Variants in SLC39A8 observed in about 807,000 individuals in gnomAD.
SLC39A8 encodes metal cation symporter ZIP8.
SLC39A8 carries 15 observed loss-of-function variants against 40.4 expected under a neutral mutation model. That is an observed-to-expected ratio of 0.37 (90% CI 0.25 to 0.57). The LOEUF (loss-of-function observed/expected upper bound fraction) is 0.57, where lower values mean the gene tolerates loss of function less well. Among genes scored for constraint, SLC39A8 ranks in the 20% least tolerant of loss-of-function variants. The pLI is 0.75. For synonymous variants in SLC39A8, 223 were observed against 221.6 expected (o/e 1.01, Z -0.06); for missense variants, 472 against 558.8 (o/e 0.84, Z 1.57).
intron 6 of SLC39A8, among the ~76,000 whole-genome samples, chr4:102,289,235 TG>T (rs1733315493): frequency 6.6e-6 from 1 of 152,204 alleles, no homozygotes; most frequent in African/African-American, 2.4e-5. Flanking sequence ...GTAACACATC[TG>T]TTTACAGCAT....
chr4:102,324,288 G>A (rs539065465), intron 2 of SLC39A8: 15 of 317,146 alleles, frequency 4.7e-5, no homozygotes, highest in African/African-American at 1.6e-4. Context: ...CCAGCTACTC[G>A]GAAGGCTGAG....
chr4:102,290,227 T>C (rs1578579747), intron 6 of SLC39A8, among the ~76,000 whole-genome samples: 2 of 152,182 alleles, frequency 1.3e-5, no homozygotes, highest in Non-Finnish European at 2.9e-5. Flanking sequence ...TATTTTTAAA[T>C]TAAGATATCA....
chr4:102,326,347 G>C (rs931942689), intron 2 of SLC39A8, among the ~76,000 whole-genome samples: 1 of 152,140 alleles, frequency 6.6e-6, no homozygotes, highest in Non-Finnish European at 1.5e-5. Flanking sequence ...AGATCACAAG[G>C]TCAGGAGATC....
intron 6 of SLC39A8, among the ~76,000 whole-genome samples, chr4:102,292,916 A>T (rs1208809381): frequency 1.3e-5 from 2 of 152,050 alleles, no homozygotes; most frequent in Non-Finnish European, 2.9e-5. Flanking sequence ...TTTACAGATG[A>T]AGAAAGTGAG....
intron 6 of SLC39A8, among the ~76,000 whole-genome samples, chr4:102,278,714 C>T (rs1042846723): frequency 2.0e-5 from 3 of 152,070 alleles, no homozygotes; most frequent in African/African-American, 7.2e-5. Context: ...GCACTATTTA[C>T]AATAGCAAAG....
downstream of SLC39A8, among the ~76,000 whole-genome samples, chr4:102,260,540 C>T (rs1263635138): frequency 6.6e-6 from 1 of 152,148 alleles, no homozygotes; most frequent in Non-Finnish European, 1.5e-5. Context: ...CATCTTAGAG[C>T]ATGAAGCAAT....
chr4:102,320,314 A>G (rs1481550407), intron 2 of SLC39A8, among the ~76,000 whole-genome samples: 1 of 134,050 alleles, frequency 7.5e-6, no homozygotes, highest in Non-Finnish European at 1.6e-5. Flanking sequence ...ATATGAGTAT[A>G]TATATATGAG....
intron 2 of SLC39A8, among the ~76,000 whole-genome samples, chr4:102,341,500 G>A (rs1735939272): frequency 6.6e-6 from 1 of 152,192 alleles, no homozygotes. Context: ...GGGCTTCCCT[G>A]TGTATTCTAG....
chr4:102,320,516 GTA>G (rs1431000146), intron 2 of SLC39A8, among the ~76,000 whole-genome samples: 742 of 57,962 alleles, frequency 0.013, 45 homozygotes, highest in African/African-American at 0.05. Flanking sequence ...ATATATGAGA[GTA>G]TATATATATG....
intron 6 of SLC39A8, among the ~76,000 whole-genome samples, chr4:102,284,077 C>G (rs1343443682): frequency 6.6e-6 from 1 of 152,158 alleles, no homozygotes; most frequent in Non-Finnish European, 1.5e-5. Flanking sequence ...CATTTTAATT[C>G]CCTGCAGGAC....
intron 2 of SLC39A8, among the ~76,000 whole-genome samples, chr4:102,335,766 A>C (rs2149054184): frequency 6.6e-6 from 1 of 152,308 alleles, no homozygotes; most frequent in South Asian, 2.1e-4. Context: ...GTTTGGAGAA[A>C]GGGAAGTGGA....
Position 102,253,662 on chromosome 4 carries a change from G to A in SLC39A8, c.*299-232C>T, listed in dbSNP as rs192068. ...CTTCTAATTTCCCTTCTAATTTACCGGTAAGTACGTGTTTATTGAAAAAAA... is the reference window on the plus strand; with the variant it reads ...CTTCTAATTTCCCTTCTAATTTACCAGTAAGTACGTGTTTATTGAAAAAAA... On this transcript the variant is annotated intron_variant and NMD_transcript_variant, in intron 11 of 11. Transcript: ENST00000424970. 0.55 allele frequency among the ~76,000 whole-genome samples: 83,271 copies of A among 151,332 alleles called. 23,105 individuals carry two copies. The highest frequency in any genetic ancestry group is 0.63 in the Middle Eastern group (184 of 290).
intron 6 of SLC39A8, among the ~76,000 whole-genome samples, chr4:102,280,147 G>A (rs570025796): frequency 2.6e-5 from 4 of 152,282 alleles, no homozygotes; most frequent in East Asian, 1.9e-4. Context: ...ACTGTTCCAC[G>A]TACAGTAGCT....
At chr4:102,299,548 T>C (rs938686815) in intron 6 of SLC39A8, among the ~76,000 whole-genome samples, 1 of 151,980 alleles carries the variant, frequency 6.6e-6, no homozygotes, top group East Asian at 1.9e-4. Flanking sequence ...GTATTTAAAC[T>C]CTCATGGAGG....
chr4:102,266,437 A>G (rs1732099758), intron 8 of SLC39A8, among the ~76,000 whole-genome samples: 2 of 152,224 alleles, frequency 1.3e-5, no homozygotes, highest in Non-Finnish European at 2.9e-5. Flanking sequence ...ATTTGGAGGT[A>G]AGAATGCAAA....
At chr4:102,272,199 C>T (rs529891766) in intron 6 of SLC39A8, among the ~76,000 whole-genome samples, 1 of 151,654 alleles carries the variant, frequency 6.6e-6, no homozygotes, top group African/African-American at 2.4e-5. Context: ...TTTGGGAGGC[C>T]GACACAAGCA....
intron 6 of SLC39A8, among the ~76,000 whole-genome samples, chr4:102,293,924 T>C (rs1018371566): frequency 2.7e-5 from 4 of 150,940 alleles, no homozygotes; most frequent in Non-Finnish European, 5.9e-5. Flanking sequence ...TTTTTCCAAA[T>C]AGACAAGTGA....
chr4:102,301,575 G>A (rs1384953253), intron 6 of SLC39A8, among the ~76,000 whole-genome samples: 1 of 152,002 alleles, frequency 6.6e-6, no homozygotes, highest in Non-Finnish European at 1.5e-5. Flanking sequence ...AATTTCCAGT[G>A]CCTAGGACAA....
chr4:102,338,774 C>G (rs773595906), intron 2 of SLC39A8, among the ~76,000 whole-genome samples: 1 of 152,166 alleles, frequency 6.6e-6, no homozygotes, highest in Non-Finnish European at 1.5e-5. Context: ...GTTACTTAAC[C>G]TCTCTGTGCC....
Sources: gnomAD v4.1 joint callset for allele counts (sites outside exome capture counted in the v4.1 genomes callset) on GRCh38, gnomAD v4.1.1 for gene constraint, MANE v1.5 for transcripts, NCBI Gene and HGNC (gene_info 2026-07-23, HGNC 2026-07-21) for gene names.